Variants in CDH18 observed in about 807,000 individuals in gnomAD.
CDH18 encodes cadherin-18.
In CDH18, 31 loss-of-function variants were observed where a neutral mutation model predicts 67.9. The observed-to-expected ratio is 0.46, with a 90% CI of 0.34 to 0.62. The LOEUF (loss-of-function observed/expected upper bound fraction) is 0.62, where lower values mean the gene tolerates loss of function less well. CDH18 is among the 20% of genes least tolerant of loss of function. CDH18 has a pLI of 0.01. For synonymous variants in CDH18, 362 were observed against 347.2 expected (o/e 1.04, Z -0.48); for missense variants, 890 against 975.5 (o/e 0.91, Z 1.17).
chr5:19,569,573 A>T (rs1486855), intron 8 of CDH18, among the ~76,000 whole-genome samples: 2 of 151,620 alleles, frequency 1.3e-5, no homozygotes, highest in African/African-American at 4.9e-5. Flanking sequence ...ATGTGTGTCT[A>T]TGTGTGTGTG....
At chr5:19,979,328 T>C (rs1176727449) in intron 2 of CDH18, among the ~76,000 whole-genome samples, 2 of 151,980 alleles carry the variant, frequency 1.3e-5, no homozygotes, top group African/African-American at 4.8e-5. Context: ...TCTTGCAATA[T>C]AGTAATCTTG....
At chr5:20,185,460 G>C (rs939063029) in intron 2 of CDH18, among the ~76,000 whole-genome samples, 1 of 152,030 alleles carries the variant, frequency 6.6e-6, no homozygotes, top group Admixed American at 6.6e-5. Context: ...AAAGTCCTTA[G>C]ACTGTATGGT....
intron 4 of CDH18, among the ~76,000 whole-genome samples, chr5:19,728,945 T>C (rs1429478689): frequency 1.3e-5 from 2 of 152,200 alleles, no homozygotes; most frequent in Non-Finnish European, 2.9e-5. Context: ...CCAATAACAC[T>C]GCATTGTAGT....
chr5:19,687,192 C>T (rs184901206), intron 5 of CDH18, among the ~76,000 whole-genome samples: 329 of 152,210 alleles, frequency 2.2e-3, no homozygotes, highest in African/African-American at 7.7e-3. Flanking sequence ...GCTTGGGGAG[C>T]TACCTGAAGA....
At position 19,591,210 on chromosome 5, in the gene CDH18, T is replaced by C. The variant is rs763099531; in HGVS notation, c.846A>G (p.Gln282=). ...TGATTTTCCCAACAGCTGAACCAAC[T>C]TGAGCTGACTCAGGAACATATAGCT... ...HYQLYVPESA[Q]VGSAVGKIKA... Residue 282 remains glutamine, a synonymous_variant, in exon 7 of 13, where the codon CAA becomes CAG. Coordinates refer to ENST00000382275, the MANE Select transcript of CDH18 (RefSeq NM_004934.5). The C allele has an allele frequency of 3.1e-6, 5 of 1,612,130 alleles. No homozygotes were observed. The highest frequency in any genetic ancestry group is 1.3e-5 in the African/African-American group (1 of 74,838).
chr5:19,984,234 T>A (rs115649044), intron 1 of CDH18, among the ~76,000 whole-genome samples: 2,780 of 152,046 alleles, frequency 0.018, 50 homozygotes, highest in Middle Eastern at 0.044. Flanking sequence ...TAATTTTAGT[T>A]GTATATATCC....
intron 2 of CDH18, among the ~76,000 whole-genome samples, chr5:20,167,929 T>C (rs1167375139): frequency 1.3e-5 from 2 of 152,176 alleles, no homozygotes. Context: ...GTTAGCTTCG[T>C]GGACAAGAAA....
chr5:20,349,995 C>A (rs1226727725), intron 1 of CDH18, among the ~76,000 whole-genome samples: 1 of 152,114 alleles, frequency 6.6e-6, no homozygotes, highest in Non-Finnish European at 1.5e-5. Flanking sequence ...ATCCTTCCAA[C>A]CTAGCTTACT....
intron 2 of CDH18, among the ~76,000 whole-genome samples, chr5:20,199,885 T>C (rs1739308560): frequency 6.6e-6 from 1 of 152,170 alleles, no homozygotes. Flanking sequence ...GCATTCATTC[T>C]CTCTCCTGCT....
At chr5:20,468,083 C>G (rs1296087276) in intron 1 of CDH18, among the ~76,000 whole-genome samples, 1 of 151,878 alleles carries the variant, frequency 6.6e-6, no homozygotes, top group Non-Finnish European at 1.5e-5. Flanking sequence ...GGTGCAATCT[C>G]TGTTCACTGC....
chr5:19,969,629 G>A (rs1274437745), intron 2 of CDH18, among the ~76,000 whole-genome samples: 1 of 149,524 alleles, frequency 6.7e-6, no homozygotes, highest in East Asian at 2.0e-4. Context: ...TCACTCATAG[G>A]TGGGAATTGA....
intron 2 of CDH18, among the ~76,000 whole-genome samples, chr5:20,180,612 G>A (rs988077593): frequency 2.6e-5 from 4 of 152,058 alleles, no homozygotes; most frequent in Non-Finnish European, 5.9e-5. Flanking sequence ...ATCCCCATGT[G>A]ACCATCTTAC....
chr5:19,525,521 A>C (rs1747626119), intron 9 of CDH18, among the ~76,000 whole-genome samples: 1 of 152,218 alleles, frequency 6.6e-6, no homozygotes, highest in Non-Finnish European at 1.5e-5. Flanking sequence ...GGGCAACCAC[A>C]GGAATTACGA....
At chr5:20,034,404 G>GTAATGAC (rs1380395568) in intron 2 of CDH18, among the ~76,000 whole-genome samples, 1 of 152,020 alleles carries the variant, frequency 6.6e-6, no homozygotes, top group Non-Finnish European at 1.5e-5. Context: ...GATGTGGTTT[G>GTAATGAC]TAATGACTAA....
intron 5 of CDH18, among the ~76,000 whole-genome samples, chr5:19,714,502 C>T (rs562682152): frequency 7.2e-6 from 1 of 139,150 alleles, no homozygotes; most frequent in Admixed American, 7.1e-5. Context: ...CTAAAGTAGA[C>T]AAAGTGAGAT....
intron 2 of CDH18, among the ~76,000 whole-genome samples, chr5:19,932,427 T>C (rs1245830334): frequency 3.3e-5 from 5 of 151,760 alleles, no homozygotes; most frequent in Non-Finnish European, 5.9e-5. Flanking sequence ...CCTCCTAACA[T>C]GCTGGGTTTC....
At chr5:19,809,117 A>G (rs1778365538) in intron 3 of CDH18, among the ~76,000 whole-genome samples, 3 of 152,152 alleles carry the variant, frequency 2.0e-5, no homozygotes, top group Non-Finnish European at 4.4e-5. Context: ...TGATCTAGGC[A>G]TTTCTCTTAC....
At chr5:19,616,272 C>T (rs1450330683) in intron 5 of CDH18, among the ~76,000 whole-genome samples, 2 of 151,828 alleles carry the variant, frequency 1.3e-5, no homozygotes, top group African/African-American at 2.4e-5. Flanking sequence ...TGAGTAAACA[C>T]ACGCCTACAT....
chr5:20,162,385 T>G (rs1265773365), intron 2 of CDH18, among the ~76,000 whole-genome samples: 1 of 148,460 alleles, frequency 6.7e-6, no homozygotes, highest in Non-Finnish European at 1.5e-5. Flanking sequence ...ACAAATTTTA[T>G]TAGAAAAAAA....
Sources: allele counts gnomAD v4.1 joint callset (sites outside exome capture counted in the v4.1 genomes callset), GRCh38; gene constraint gnomAD v4.1.1; transcripts MANE v1.5; gene names NCBI Gene and HGNC (gene_info 2026-07-23, HGNC 2026-07-21).